Variants in DAB1 observed in about 807,000 individuals in gnomAD.
The protein encoded by DAB1 is disabled homolog 1.
In DAB1, 15 loss-of-function variants were observed where a neutral mutation model predicts 64.6. That is an observed-to-expected ratio of 0.23 (90% CI 0.16 to 0.36). The LOEUF (loss-of-function observed/expected upper bound fraction) is 0.36, where lower values mean the gene tolerates loss of function less well. DAB1 is among the 10% of genes least tolerant of loss of function. DAB1 has a pLI of 1.00. For missense variants in DAB1, 596 were observed against 706.7 expected (o/e 0.84, Z 1.78); for synonymous variants, 235 against 251.9 (o/e 0.93, Z 0.64).
At chr1:57,780,505 T>C (rs1650013307) in intron 6 of DAB1, among the ~76,000 whole-genome samples, 2 of 152,086 alleles carry the variant, frequency 1.3e-5, no homozygotes, top group South Asian at 2.1e-4. Context: ...CTCAAATAAA[T>C]GTAGTTTTCT....
intron 5 of DAB1, among the ~76,000 whole-genome samples, chr1:57,947,556 C>T (rs749949049): frequency 8.5e-5 from 13 of 152,266 alleles, no homozygotes; most frequent in Middle Eastern, 6.8e-3. Context: ...CTAGACCTTG[C>T]CAAACGTCCC....
chr1:57,521,699 G>A (rs759705509), intron 7 of DAB1, among the ~76,000 whole-genome samples: 1 of 152,140 alleles, frequency 6.6e-6, no homozygotes, highest in Non-Finnish European at 1.5e-5. Flanking sequence ...AGTGAACAGG[G>A]GAGGAGAGAG....
intron 4 of DAB1, among the ~76,000 whole-genome samples, chr1:58,342,509 C>T (rs116750319): frequency 3.4e-4 from 52 of 152,300 alleles, no homozygotes; most frequent in Non-Finnish European, 6.9e-4. Flanking sequence ...ATTATCCATT[C>T]AGTGTTCATT....
intron 7 of DAB1, among the ~76,000 whole-genome samples, chr1:57,469,292 C>T (rs1449884322): frequency 6.6e-6 from 1 of 152,206 alleles, no homozygotes; most frequent in East Asian, 1.9e-4. Context: ...GCGGTTCACA[C>T]ACCTCTGGTT....
chr1:58,368,571 C>T (rs190120350), intron 3 of DAB1, among the ~76,000 whole-genome samples: 234 of 151,734 alleles, frequency 1.5e-3, no homozygotes, highest in Middle Eastern at 3.4e-3. Context: ...TGTTTTTGCT[C>T]ATTCATTTGT....
chr1:57,874,623 G>A (rs1271813810), intron 1 of DAB1, among the ~76,000 whole-genome samples: 2 of 152,058 alleles, frequency 1.3e-5, no homozygotes, highest in Non-Finnish European at 2.9e-5. Flanking sequence ...AATCAGCCAG[G>A]CCACTGCAGC....
upstream of DAB1, among the ~76,000 whole-genome samples, chr1:57,424,438 G>A (rs1309611833): frequency 2.6e-5 from 4 of 152,174 alleles, no homozygotes; most frequent in African/African-American, 9.6e-5. Context: ...GGAGAGACGA[G>A]CCGAGAGCGA....
chr1:57,263,596 C>G (rs939335020), intron 2 of DAB1, among the ~76,000 whole-genome samples: 3 of 152,082 alleles, frequency 2.0e-5, no homozygotes, highest in Non-Finnish European at 4.4e-5. Flanking sequence ...GCAGCCACAG[C>G]AGTAAAGGAT....
chr1:57,511,095 G>A (rs1388127078), intron 7 of DAB1, among the ~76,000 whole-genome samples: 2 of 152,114 alleles, frequency 1.3e-5, no homozygotes, highest in Non-Finnish European at 2.9e-5. Context: ...TCTCTTGACT[G>A]GATGATTGCA....
chr1:58,307,369 C>T (rs76510624), intron 4 of DAB1, among the ~76,000 whole-genome samples: 10 of 151,978 alleles, frequency 6.6e-5, no homozygotes, highest in East Asian at 1.9e-4. Context: ...GTAGTGAAAA[C>T]GGAGAGGTGA....
chr1:57,646,610 A>G (rs1646193924), intron 7 of DAB1, among the ~76,000 whole-genome samples: 1 of 152,058 alleles, frequency 6.6e-6, no homozygotes, highest in Non-Finnish European at 1.5e-5. Context: ...TTAGCTGGGT[A>G]TGGTGGTGTG....
intron 5 of DAB1, among the ~76,000 whole-genome samples, chr1:58,125,708 T>C (rs537797310): frequency 2.0e-5 from 3 of 152,158 alleles, no homozygotes; most frequent in Non-Finnish European, 4.4e-5. Context: ...AGCCTTCCAA[T>C]GTGTTGGGAT....
chr1:57,686,836 T>C (rs1048825101), intron 6 of DAB1, among the ~76,000 whole-genome samples: 2 of 152,200 alleles, frequency 1.3e-5, no homozygotes, highest in African/African-American at 2.4e-5. Context: ...AAGCTCTTGA[T>C]AGAATCCAAC....
chr1:57,420,947 T>C (rs1324264087), intron 1 of DAB1, among the ~76,000 whole-genome samples: 2 of 152,228 alleles, frequency 1.3e-5, no homozygotes, highest in African/African-American at 4.8e-5. Context: ...CTTTGTTTGC[T>C]TTATTAGTTT....
At chr1:58,326,491 A>G (rs1349623110) in intron 4 of DAB1, among the ~76,000 whole-genome samples, 3 of 152,222 alleles carry the variant, frequency 2.0e-5, no homozygotes, top group Admixed American at 6.5e-5. Flanking sequence ...GTGGAAGAAG[A>G]CGGTCTGGAA....
At chr1:58,132,203 T>G (rs1180102783) in intron 5 of DAB1, among the ~76,000 whole-genome samples, 1 of 152,136 alleles carries the variant, frequency 6.6e-6, no homozygotes, top group African/African-American at 2.4e-5. Flanking sequence ...AGTATTCGGG[T>G]GGGAGTGACC....
intron 4 of DAB1, among the ~76,000 whole-genome samples, chr1:58,200,383 T>C (rs1276105641): frequency 6.6e-6 from 1 of 152,230 alleles, no homozygotes; most frequent in African/African-American, 2.4e-5. Context: ...CCTCGCTTAG[T>C]TGTCCTTTCC....
intron 7 of DAB1, among the ~76,000 whole-genome samples, chr1:57,494,944 G>A (rs944219441): frequency 1.3e-5 from 2 of 152,072 alleles, no homozygotes; most frequent in African/African-American, 4.8e-5. Context: ...GTGTCAGCAC[G>A]GATGACACAA....
At chr1:58,014,462 G>A (rs891399119) in intron 5 of DAB1, among the ~76,000 whole-genome samples, 3 of 152,212 alleles carry the variant, frequency 2.0e-5, no homozygotes, top group African/African-American at 4.8e-5. Flanking sequence ...GCAGATCAGT[G>A]GACTGGATTC....
Sources: gnomAD v4.1 joint callset for allele counts (sites outside exome capture counted in the v4.1 genomes callset) on GRCh38, gnomAD v4.1.1 for gene constraint, MANE v1.5 for transcripts, NCBI Gene and HGNC (gene_info 2026-07-23, HGNC 2026-07-21) for gene names.